The following TTC17 variants were observed in gnomAD, a reference collection of about 807,000 sequenced individuals.
TTC17 encodes the protein tetratricopeptide repeat protein 17.
Under a neutral mutation model 143.8 loss-of-function variants are expected in TTC17, and 58 were observed. That is an observed-to-expected ratio of 0.40 (90% confidence interval 0.33 to 0.50). TTC17 has a LOEUF of 0.50. Among genes scored for constraint, TTC17 ranks in the 20% least tolerant of loss-of-function variants. The probability of loss-of-function intolerance (pLI) is 0.49; values close to 1 mark genes in which losing one functional copy is unlikely to be tolerated. For synonymous variants in TTC17, 501 were observed against 497.8 expected, an observed-to-expected ratio of 1.01 and a Z score of -0.09; for missense variants, 1,273 against 1,392.5, an observed-to-expected ratio of 0.91 and a Z score of 1.37.
intron 17 of TTC17, 108 bp from the exon 18 acceptor site, chr11:43,443,948 G>A (rs566407846): frequency 5.9e-5 from 76 of 1,288,116 alleles, no homozygotes; most frequent in Non-Finnish European, 7.7e-5. Context: ...CTCAAGGAGA[G>A]AACTTAACCT....
At chr11:43,472,710 A>G (rs1948113862) in intron 21 of TTC17, among the ~76,000 whole-genome samples, 1 of 152,084 alleles carries the variant, frequency 6.6e-6, no homozygotes. Flanking sequence ...GTGACAAACT[A>G]CTCATTTTTA....
At chr11:43,431,838 A>G (rs1590408096) in intron 16 of TTC17, among the ~76,000 whole-genome samples, 2 of 152,358 alleles carry the variant, frequency 1.3e-5, no homozygotes, top group East Asian at 3.9e-4. Context: ...AGACAAAAAC[A>G]AAAAACTCAC....
At chr11:43,385,544 A>C (rs1438530597) in intron 2 of TTC17, 1 of 152,134 alleles carries the variant, frequency 6.6e-6, no homozygotes, top group Non-Finnish European at 1.5e-5. Context: ...TCCTGAAATG[A>C]AGCTTAGATA....
Position 43,490,245 on chromosome 11 carries a change from A to G in TTC17, c.3037A>G (p.Thr1013Ala). The G allele has an allele frequency of 6.2e-7, 1 of 1,609,126 alleles. No individual in the cohort carries two copies. Among genetic ancestry groups the G allele is most frequent in the Non-Finnish European group, 8.5e-7 (1 of 1,177,050 alleles). ...RIAKVLEKNQ[T>A]SWVLSSMAAL... ...GGCTAACATTCCTTTGCAGAACCAGACGTCCTGGGTCCTCTCCAGCATGGC... is the reference window on the plus strand; with the variant it reads ...GGCTAACATTCCTTTGCAGAACCAGGCGTCCTGGGTCCTCTCCAGCATGGC... Residue 1013 changes from threonine to alanine, a missense_variant, in exon 22 of 24, where the codon ACG (threonine) becomes GCG (alanine). Thr to Ala is a moderately conservative substitution (Grantham distance 58). Transcript: ENST00000039989.
chr11:43,391,637 C>G (rs1857394144), intron 4 of TTC17, 61 bp downstream of exon 4: 3 of 1,243,448 alleles, frequency 2.4e-6, no homozygotes, highest in Admixed American at 2.4e-5. Flanking sequence ...CAGTTGGTCT[C>G]TCACTTATAA....
chr11:43,411,709 G>T (rs1215873876), intron 15 of TTC17, among the ~76,000 whole-genome samples: 2 of 152,140 alleles, frequency 1.3e-5, no homozygotes, highest in Non-Finnish European at 2.9e-5. Flanking sequence ...TTGTCATAGG[G>T]ATAATTATAA....
At chr11:43,441,756 CA>C (rs1462309276) in intron 16 of TTC17, among the ~76,000 whole-genome samples, 2 of 152,282 alleles carry the variant, frequency 1.3e-5, no homozygotes, top group Admixed American at 1.3e-4. Context: ...CAGCAAGCTC[CA>C]TATTCTCTCT....
At chr11:43,384,701 T>C (rs188545999) in intron 2 of TTC17, among the ~76,000 whole-genome samples, 2 of 152,312 alleles carry the variant, frequency 1.3e-5, no homozygotes, top group Non-Finnish European at 2.9e-5. Context: ...TGGGCACAAA[T>C]ATTTTATATT....
intron 2 of TTC17, among the ~76,000 whole-genome samples, chr11:43,387,962 C>G (rs1056615295): frequency 2.6e-5 from 4 of 152,134 alleles, no homozygotes; most frequent in Non-Finnish European, 5.9e-5. Flanking sequence ...TGCTAAGATT[C>G]TGGGGATATA....
chr11:43,396,235 C>CT (rs896447537), intron 5 of TTC17: 334 of 144,288 alleles, frequency 2.3e-3, no homozygotes, highest in Middle Eastern at 7.2e-3. Flanking sequence ...GCCCTTTTTC[C>CT]TTTTTTTTTT....
intron 16 of TTC17, among the ~76,000 whole-genome samples, chr11:43,440,756 A>C (rs1311388407): frequency 1.3e-5 from 2 of 152,196 alleles, no homozygotes; most frequent in Non-Finnish European, 2.9e-5. Context: ...TTTAAGAAAC[A>C]AGAGGCTCCC....
chr11:43,422,839 A>G (rs1245188886), intron 16 of TTC17, among the ~76,000 whole-genome samples: 1 of 152,154 alleles, frequency 6.6e-6, no homozygotes, highest in East Asian at 1.9e-4. Flanking sequence ...GTTTTGCTAT[A>G]GTGAAGAGCA....
chr11:43,378,874 T>C (rs1319961650), intron 1 of TTC17: 2 of 206,956 alleles, frequency 9.7e-6, no homozygotes. Flanking sequence ...AGATATGAAA[T>C]GTGCTATCAA....
chr11:43,460,891 G>T (rs1280627861), intron 21 of TTC17, among the ~76,000 whole-genome samples: 1 of 152,178 alleles, frequency 6.6e-6, no homozygotes, highest in Non-Finnish European at 1.5e-5. Context: ...GCCTCTTAGA[G>T]CCTGTGCATA....
At chr11:43,360,206 C>G (rs556331227) in intron 1 of TTC17, among the ~76,000 whole-genome samples, 10 of 152,136 alleles carry the variant, frequency 6.6e-5, no homozygotes, top group African/African-American at 2.4e-4. Flanking sequence ...ATTGCAAATT[C>G]TATCTCAAGT....
intron 21 of TTC17, among the ~76,000 whole-genome samples, chr11:43,471,402 A>G (rs1948089847): frequency 6.6e-6 from 1 of 152,132 alleles, no homozygotes; most frequent in African/African-American, 2.4e-5. Flanking sequence ...CGCAGACATA[A>G]ATTCTCAAGC....
rs774112706 is a variant in TTC17, at chr11:43,397,952, ATGTT to A, written c.919-16_919-13del. Reference sequence around the variant, plus strand: ...TGTGTGTGTGTGTGTGTGTGTGTGTATGTTTGTTTTTGTCTCTTCAGATGCTTGG... The same window carrying A: ...TGTGTGTGTGTGTGTGTGTGTGTGTATGTTTTTGTCTCTTCAGATGCTTGG... On this transcript the variant is annotated intron_variant, in intron 7 of 23. Transcript: ENST00000039989. 7.3e-5 allele frequency: 80 copies of A among 1,101,450 alleles called. No homozygotes were observed. Among genetic ancestry groups the A allele is most frequent in the African/African-American group, 2.3e-4 (11 of 48,154 alleles). 68.2% of individuals were successfully genotyped at this position (1,101,450 alleles called of 1,614,324 possible). A position where few individuals can be genotyped will look rare whatever the true frequency, so the allele number is the denominator to read the frequency against.
At chr11:43,491,491 TGTA>T (rs1282854240) in intron 22 of TTC17, 1 of 152,454 alleles carries the variant, frequency 6.6e-6, no homozygotes, top group Non-Finnish European at 1.5e-5. Context: ...ATTCTAGCAT[TGTA>T]GTATGAAAAC....
At chr11:43,434,061 G>A (rs1453350910) in intron 16 of TTC17, among the ~76,000 whole-genome samples, 1 of 151,992 alleles carries the variant, frequency 6.6e-6, no homozygotes, top group Admixed American at 6.6e-5. Flanking sequence ...GGTGAAAATA[G>A]AAGTGGAGGC....
Sources: allele counts gnomAD v4.1 joint callset (sites outside exome capture counted in the v4.1 genomes callset), GRCh38; gene constraint gnomAD v4.1.1; transcripts MANE v1.5; gene names NCBI Gene and HGNC (gene_info 2026-07-23, HGNC 2026-07-21).